SGIP1: variants seen among roughly 807,000 people sequenced by gnomAD.
SGIP1 encodes SH3-containing GRB2-like protein 3-interacting protein 1.
Under a neutral mutation model 107.5 loss-of-function variants are expected in SGIP1, and 38 were observed. The observed-to-expected ratio is 0.35, with a 90% CI of 0.27 to 0.46. The LOEUF is 0.46. Ranked by LOEUF, SGIP1 falls within the 20% of genes least tolerant of loss-of-function variation. The pLI is 1.00. For missense variants in SGIP1, 929 were observed against 1,019.5 expected, an observed-to-expected ratio of 0.91 and a Z score of 1.21; for synonymous variants, 365 against 366.1, an observed-to-expected ratio of 1.00 and a Z score of 0.03.
rs1451903289 is a variant in SGIP1 at position 66,660,069 on chromosome 1, AAAGG to A, written c.460-434_460-431del. 2.9e-5 allele frequency: 5 copies of A among 169,770 alleles called. 1 individual carries two copies. Among genetic ancestry groups the A allele is most frequent in the Non-Finnish European group, 5.4e-5 (5 of 92,674 alleles). The allele number at this position is 169,770 out of a possible 1,614,324, so 10.5% of individuals were successfully genotyped here. A position where few individuals can be genotyped will look rare whatever the true frequency, so the allele number is the denominator to read the frequency against. On this transcript the variant is annotated intron_variant, in intron 7 of 24. Coordinates refer to ENST00000371037, the MANE Select transcript of SGIP1 (RefSeq NM_032291.4). Reference sequence around the variant, plus strand: ...AAAGAAAGAAAAGAAAGAAAGGAAGAAAGGAAGGAAGGAGGGAGGGAAGGAAGGA... The same window carrying A: ...AAAGAAAGAAAAGAAAGAAAGGAAGAAAGGAAGGAGGGAGGGAAGGAAGGA...
At chr1:66,681,725 C>T in intron 14 of SGIP1, 144 bp from the exon 15 acceptor site, 1 of 765,982 alleles carries the variant, frequency 1.3e-6, no homozygotes, top group Non-Finnish European at 2.1e-6. Context: ...GGCTCCTAAT[C>T]CAATAAAGAT....
At chr1:66,546,879 T>G (rs530729611) in intron 1 of SGIP1, among the ~76,000 whole-genome samples, 109 of 152,322 alleles carry the variant, frequency 7.2e-4, no homozygotes, top group African/African-American at 2.5e-3. Context: ...GGAGTGTCCT[T>G]TCTGCAAGTC....
chr1:66,626,009 G>T (rs2072590982), intron 2 of SGIP1, 99 bp downstream of exon 2: 1 of 805,560 alleles, frequency 1.2e-6, no homozygotes, highest in Admixed American at 2.5e-5. Context: ...CTCGGATATT[G>T]TGTACTATTT....
At chr1:66,635,193 C>T (rs2075542111) in intron 3 of SGIP1, among the ~76,000 whole-genome samples, 1 of 152,192 alleles carries the variant, frequency 6.6e-6, no homozygotes, top group Non-Finnish European at 1.5e-5. Flanking sequence ...GGTGACAATG[C>T]TTCTGAGGTT....
chr1:66,543,907 T>G (rs2055656333), intron 1 of SGIP1, among the ~76,000 whole-genome samples: 1 of 152,130 alleles, frequency 6.6e-6, no homozygotes, highest in Non-Finnish European at 1.5e-5. Flanking sequence ...TCTCAGACAG[T>G]TTTTTCTCAA....
At chr1:66,720,690 C>T (rs1043285082) in intron 19 of SGIP1, among the ~76,000 whole-genome samples, 11 of 152,148 alleles carry the variant, frequency 7.2e-5, no homozygotes, top group Non-Finnish European at 1.6e-4. Context: ...CACACCACTG[C>T]ACTCCAGCCT....
chr1:66,678,700 A>G (rs907317546), intron 13 of SGIP1, among the ~76,000 whole-genome samples: 1 of 152,192 alleles, frequency 6.6e-6, no homozygotes, highest in Non-Finnish European at 1.5e-5. Context: ...CTACCTAAAA[A>G]TAATAAATAA....
At chr1:66,674,922 C>G (rs1175441508) in intron 12 of SGIP1, among the ~76,000 whole-genome samples, 7 of 152,160 alleles carry the variant, frequency 4.6e-5, no homozygotes, top group Non-Finnish European at 8.8e-5. Flanking sequence ...CAGCAGTCAG[C>G]CACACCTGAA....
At chr1:66,566,453 GTTCT>G (rs1374904634) in intron 1 of SGIP1, among the ~76,000 whole-genome samples, 3 of 151,924 alleles carry the variant, frequency 2.0e-5, no homozygotes, top group Admixed American at 6.6e-5. Context: ...TGTGGGATGA[GTTCT>G]TTCTATCACT....
At chr1:66,726,110 C>T (rs538039297) in intron 19 of SGIP1, among the ~76,000 whole-genome samples, 30 of 152,306 alleles carry the variant, frequency 2.0e-4, no homozygotes, top group African/African-American at 7.0e-4. Context: ...CTGCAGGAGC[C>T]ACACACAAGC....
chr1:66,721,820 C>T (rs946902039), intron 19 of SGIP1, among the ~76,000 whole-genome samples: 4 of 152,152 alleles, frequency 2.6e-5, no homozygotes, highest in African/African-American at 4.8e-5. Flanking sequence ...TCCTAATTGG[C>T]TTTCATTCAT....
chr1:66,547,415 A>G (rs2056607691), intron 1 of SGIP1, among the ~76,000 whole-genome samples: 1 of 152,182 alleles, frequency 6.6e-6, no homozygotes, highest in African/African-American at 2.4e-5. Context: ...TACAAACCCA[A>G]ATATAGTTCT....
chr1:66,629,113 G>C (rs561299516), intron 2 of SGIP1, among the ~76,000 whole-genome samples: 1 of 152,350 alleles, frequency 6.6e-6, no homozygotes, highest in Non-Finnish European at 1.5e-5. Context: ...GTGTTTGTCT[G>C]TGATCATTGA....
chr1:66,549,727 G>A (rs987389386), intron 1 of SGIP1, among the ~76,000 whole-genome samples: 6 of 152,054 alleles, frequency 3.9e-5, no homozygotes, highest in African/African-American at 1.4e-4. Context: ...AATACTCTTG[G>A]TCACTTGCCT....
chr1:66,551,394 A>G (rs2057383557), intron 1 of SGIP1, among the ~76,000 whole-genome samples: 1 of 152,120 alleles, frequency 6.6e-6, no homozygotes, highest in Non-Finnish European at 1.5e-5. Context: ...TTGTAATAAA[A>G]TTTAAATTTT....
chr1:66,693,842 C>A (rs2090355623), intron 17 of SGIP1, among the ~76,000 whole-genome samples: 1 of 152,110 alleles, frequency 6.6e-6, no homozygotes, highest in South Asian at 2.1e-4. Context: ...TAATGCTGTT[C>A]AAAATTAACG....
intron 15 of SGIP1, 52 bp from the exon 16 acceptor site, chr1:66,689,096 G>C: frequency 6.4e-7 from 1 of 1,569,104 alleles, no homozygotes; most frequent in Non-Finnish European, 8.6e-7. Flanking sequence ...TGTGATAACA[G>C]CGCTTTGGCC....
chr1:66,682,104 C>A lies in SGIP1; in HGVS notation c.1050C>A (p.Gly350=). The A allele has an allele frequency of 1.2e-6, 2 of 1,614,174 alleles. No individual in the cohort carries two copies. The highest frequency in any genetic ancestry group is 1.7e-6 in the Non-Finnish European group (2 of 1,180,014). ...PDNPADSPAP[G]PLGPPGPTGP... ...ACCCAGCTGACTCCCCAGCTCCAGG[C>A]CCTCTCGGCCCCCCAGGTCCCACAG... The change falls in exon 15 of 25, where the codon GGC becomes GGA. Residue 350 remains glycine, a synonymous_variant. Coordinates refer to ENST00000371037, the MANE Select transcript of SGIP1 (RefSeq NM_032291.4).
At chr1:66,647,966 G>A (rs1182828936) in intron 7 of SGIP1, among the ~76,000 whole-genome samples, 13 of 152,206 alleles carry the variant, frequency 8.5e-5, no homozygotes, top group Admixed American at 7.9e-4. Context: ...TGTGCAAGAT[G>A]TTTTTTAAGG....
Sources: gnomAD v4.1 joint callset for allele counts (sites outside exome capture counted in the v4.1 genomes callset) on GRCh38, gnomAD v4.1.1 for gene constraint, MANE v1.5 for transcripts, NCBI Gene and HGNC (gene_info 2026-07-23, HGNC 2026-07-21) for gene names.